Variants in PHACTR3 observed in about 807,000 individuals in gnomAD.
PHACTR3 encodes phosphatase and actin regulator 3.
PHACTR3 carries 16 observed loss-of-function variants against 66.8 expected under a neutral mutation model. That is an observed-to-expected ratio of 0.24 (90% confidence interval 0.16 to 0.36). The LOEUF is 0.36. Ranked by LOEUF, PHACTR3 falls within the 10% of genes least tolerant of loss-of-function variation. The pLI is 1.00. For missense variants in PHACTR3, 647 were observed against 719.9 expected, an observed-to-expected ratio of 0.90 and a Z score of 1.16; for synonymous variants, 323 against 292.1, an observed-to-expected ratio of 1.11 and a Z score of -1.08.
rs1393795553 is a variant in PHACTR3 at position 59,716,258 on chromosome 20, GTGTGTT to G, written c.119-26848_119-26843del. ...TGTGTGTGTGTGTGTGTGTGTGTGT[GTGTGTT>G]GTGACAGAGTCTCGTTCTGTTGCCC... On this transcript the variant is annotated intron_variant, in intron 1 of 12. Transcript: ENST00000371015. Among the ~76,000 whole-genome samples, 18 of 108,512 alleles carry G rather than the reference GTGTGTT, an allele frequency of 1.7e-4. No individual in the cohort carries two copies. The South Asian group carries it at 4.2e-3, about 25-fold the overall frequency. The allele number at this position is 108,512 out of a possible 152,430, so 71.2% of individuals were successfully genotyped here. A position where few individuals can be genotyped will look rare whatever the true frequency, so the allele number is the denominator to read the frequency against.
chr20:59,682,813 G>T (rs946876534), intron 1 of PHACTR3, among the ~76,000 whole-genome samples: 1 of 152,192 alleles, frequency 6.6e-6, no homozygotes, highest in Non-Finnish European at 1.5e-5. Context: ...GGAGCCCGTG[G>T]TGGCTGGAGT....
At chr20:59,802,714 G>C (rs2041451226) in intron 7 of PHACTR3, among the ~76,000 whole-genome samples, 1 of 152,206 alleles carries the variant, frequency 6.6e-6, no homozygotes, top group South Asian at 2.1e-4. Flanking sequence ...GAAGGAGCCG[G>C]CATTTGCCCA....
At chr20:59,635,295 C>T (rs1298608080) in intron 1 of PHACTR3, among the ~76,000 whole-genome samples, 8 of 143,902 alleles carry the variant, frequency 5.6e-5, no homozygotes, top group Non-Finnish European at 1.2e-4. Flanking sequence ...AGTGCAATGG[C>T]GCAATCTCGG....
rs547808408 is a variant in PHACTR3 at position 59,628,727 on chromosome 20, G to A, written c.118+23595G>A. The A allele has an allele frequency of 3.6e-5, 35 of 985,558 alleles. No individual in the cohort carries two copies. The African/African-American group carries it at 5.9e-4, about 17-fold the overall frequency. 61.1% of individuals were successfully genotyped at this position (985,558 alleles called of 1,614,324 possible). A position where few individuals can be genotyped will look rare whatever the true frequency, so the allele number is the denominator to read the frequency against. On this transcript the variant is annotated intron_variant, in intron 1 of 12. Transcript: ENST00000371015. ...GAAGATTCCCCATAGTACCTACTAGGTGGGCCAGAGAAGGATGGATTTGTG... is the reference window on the plus strand; with the variant it reads ...GAAGATTCCCCATAGTACCTACTAGATGGGCCAGAGAAGGATGGATTTGTG...
intron 1 of PHACTR3, among the ~76,000 whole-genome samples, chr20:59,591,131 G>A (rs543634041): frequency 5.3e-4 from 81 of 152,292 alleles, no homozygotes; most frequent in African/African-American, 1.8e-3. Context: ...ATATTCTAGC[G>A]CATGGTGCAG....
intron 7 of PHACTR3, among the ~76,000 whole-genome samples, chr20:59,789,107 A>G (rs969223131): frequency 1.3e-5 from 2 of 152,240 alleles, no homozygotes; most frequent in African/African-American, 2.4e-5. Flanking sequence ...CAGAAACAGT[A>G]CATGCCTGTT....
At chr20:59,654,899 G>A (rs1406546926) in intron 1 of PHACTR3, among the ~76,000 whole-genome samples, 1 of 151,678 alleles carries the variant, frequency 6.6e-6, no homozygotes, top group Non-Finnish European at 1.5e-5. Flanking sequence ...GTGTGTGTAT[G>A]TGTGTGTGTG....
In PHACTR3 at chr20:59,790,876, G is replaced by T. The variant is rs146369968; in HGVS notation, c.1175-15165G>T. Among the ~76,000 whole-genome samples, 19 of 150,540 alleles carry T rather than the reference G, an allele frequency of 1.3e-4. No individual in the cohort carries two copies. The East Asian group carries it at 3.7e-3, about 29-fold the overall frequency. ...TAATACTATTAGGCTTAAGTTGTTTGCAACGAGCATACATTATTTTTGTAG... is the reference window on the plus strand; with the variant it reads ...TAATACTATTAGGCTTAAGTTGTTTTCAACGAGCATACATTATTTTTGTAG... On this transcript the variant is annotated intron_variant, in intron 7 of 12. Transcript: ENST00000371015.
chr20:59,632,357 G>C (rs1291848904), intron 1 of PHACTR3, among the ~76,000 whole-genome samples: 1 of 152,152 alleles, frequency 6.6e-6, no homozygotes, highest in Non-Finnish European at 1.5e-5. Flanking sequence ...CTGGTAATTG[G>C]TTCTCAGATG....
At chr20:59,618,019 G>A (rs1555365) in intron 1 of PHACTR3, among the ~76,000 whole-genome samples, 17,123 of 152,252 alleles carry the variant, frequency 0.11, 1,250 homozygotes, top group East Asian at 0.32. Context: ...GCGGGCTTGT[G>A]GAGGGGTTGG....
chr20:59,841,597 T>C (rs2059062623), intron 11 of PHACTR3, 62 bp downstream of exon 11: 6 of 1,534,596 alleles, frequency 3.9e-6, no homozygotes, highest in African/African-American at 1.4e-5. Flanking sequence ...AAATATGTCA[T>C]GCCAGGGAGT....
intron 1 of PHACTR3, among the ~76,000 whole-genome samples, chr20:59,640,202 G>A (rs1315620774): frequency 6.6e-6 from 1 of 152,256 alleles, no homozygotes; most frequent in African/African-American, 2.4e-5. Context: ...GTAGGATCAA[G>A]TACAGTCAGT....
chr20:59,782,538 C>A (rs895082594), intron 7 of PHACTR3, among the ~76,000 whole-genome samples: 1 of 152,152 alleles, frequency 6.6e-6, no homozygotes, highest in Non-Finnish European at 1.5e-5. Flanking sequence ...AGGTGTGAGC[C>A]ACCACACCCA....
Position 59,845,090 on chromosome 20 carries a change from G to C in PHACTR3, c.1588-99G>C, listed in dbSNP as rs76136727. ...GTTTTTTTCTGTATATTACATAATA[G>C]AGTCAACAAGGATTAGGAATGGTTA... On this transcript the variant is annotated intron_variant, in intron 11 of 12. Coordinates refer to ENST00000371015, the MANE Select transcript of PHACTR3 (RefSeq NM_080672.5). 7.4e-5 allele frequency: 54 copies of C among 725,502 alleles called. No individual in the cohort carries two copies. The East Asian group carries it at 1.4e-3, about 19-fold the overall frequency. 44.9% of individuals were successfully genotyped at this position (725,502 alleles called of 1,614,324 possible). A position where few individuals can be genotyped will look rare whatever the true frequency, so the allele number is the denominator to read the frequency against.
At chr20:59,637,147 G>T (rs919647396) in intron 1 of PHACTR3, among the ~76,000 whole-genome samples, 1 of 152,206 alleles carries the variant, frequency 6.6e-6, no homozygotes, top group Non-Finnish European at 1.5e-5. Flanking sequence ...CCTGTATGGG[G>T]TCTGAAGGTG....
At chr20:59,818,752 C>CGAAGA (rs2145410332) in intron 8 of PHACTR3, among the ~76,000 whole-genome samples, 1 of 152,346 alleles carries the variant, frequency 6.6e-6, no homozygotes, top group South Asian at 2.1e-4. Flanking sequence ...TGATCTTCTT[C>CGAAGA]AGATCCTTTT....
At chr20:59,716,615 C>T (rs2038100869) in intron 1 of PHACTR3, among the ~76,000 whole-genome samples, 1 of 152,172 alleles carries the variant, frequency 6.6e-6, no homozygotes, top group African/African-American at 2.4e-5. Flanking sequence ...TTCTTGGTCC[C>T]TGGGCTAAAG....
At chr20:59,655,912 T>G (rs2035606507) in intron 1 of PHACTR3, among the ~76,000 whole-genome samples, 1 of 151,976 alleles carries the variant, frequency 6.6e-6, no homozygotes, top group South Asian at 2.1e-4. Context: ...CATTGGTTAT[T>G]TAGGGCCATA....
intron 1 of PHACTR3, among the ~76,000 whole-genome samples, chr20:59,711,960 A>G (rs1241379528): frequency 6.6e-6 from 1 of 152,290 alleles, no homozygotes; most frequent in Non-Finnish European, 1.5e-5. Flanking sequence ...TGTTCATTTT[A>G]AAGAGGTCTT....
Sources: allele counts gnomAD v4.1 joint callset (sites outside exome capture counted in the v4.1 genomes callset), GRCh38; gene constraint gnomAD v4.1.1; transcripts MANE v1.5; gene names NCBI Gene and HGNC (gene_info 2026-07-23, HGNC 2026-07-21).